PGBD1: variants seen among roughly 807,000 people sequenced by gnomAD.
The protein encoded by PGBD1 is piggyBac transposable element derived 1, also known as piggyBac transposable element-derived protein 1.
PGBD1 carries 25 observed loss-of-function variants against 34.7 expected under a neutral mutation model. The observed-to-expected ratio is 0.72, with a 90% CI of 0.52 to 1.00. The LOEUF (loss-of-function observed/expected upper bound fraction) is 1.00. Among genes scored for constraint, PGBD1 ranks in the 50% least tolerant of loss-of-function variants. The pLI is 0.00. For missense variants in PGBD1, 830 were observed against 959.4 expected, an observed-to-expected ratio of 0.87 and a Z score of 1.78; for synonymous variants, 292 against 335.7, an observed-to-expected ratio of 0.87 and a Z score of 1.42.
intron 4 of PGBD1, among the ~76,000 whole-genome samples, chr6:28,295,391 G>T (rs1762596239): frequency 6.6e-6 from 1 of 152,162 alleles, no homozygotes; most frequent in Non-Finnish European, 1.5e-5. Flanking sequence ...TTTGAAAGAA[G>T]TTCTACTCTG....
intron 3 of PGBD1, among the ~76,000 whole-genome samples, 169 bp downstream of exon 3, chr6:28,285,876 C>T (rs1263879286): frequency 1.3e-5 from 2 of 152,194 alleles, no homozygotes; most frequent in Non-Finnish European, 2.9e-5. Context: ...AAGATCTACT[C>T]TCATGAAATT....
intron 4 of PGBD1, among the ~76,000 whole-genome samples, chr6:28,291,465 A>T (rs1762449007): frequency 6.6e-6 from 1 of 151,928 alleles, no homozygotes; most frequent in African/African-American, 2.4e-5. Context: ...TCTTCCATCA[A>T]AGAAAAGCCC....
chr6:28,293,682 T>A, intron 4 of PGBD1, among the ~76,000 whole-genome samples: 1 of 152,226 alleles, frequency 6.6e-6, no homozygotes, highest in East Asian at 1.9e-4. Flanking sequence ...TGATCAGTTA[T>A]TTTTGATGTT....
At position 28,301,461 on chromosome 6, in the gene PGBD1, A is replaced by C; in HGVS notation, c.1607A>C (p.Tyr536Ser). ...CAAATGAATAAAAATTTCCTCTTGT[A>C]TGCTCCCCTGGAAGAATACTATTGC... ...IKQMNKNFLL[Y>S]APLEEYYCFD... The change falls in exon 7 of 7, where the codon TAT (tyrosine) becomes TCT (serine). Residue 536 changes from tyrosine (Y) to serine (S), a missense_variant. Around this residue, in one of 3 missense-constraint regions of PGBD1, gnomAD observed 372 missense variants for 427.9 expected, o/e 0.87. Coordinates refer to ENST00000682144, the MANE Select transcript of PGBD1 (RefSeq NM_032507.4). 6.2e-7 allele frequency: 1 copy of C among 1,613,978 alleles called. No homozygotes were observed. The highest frequency in any genetic ancestry group is 8.5e-7 in the Non-Finnish European group (1 of 1,180,000).
At chr6:28,299,483 T>C (rs1306516356) in intron 6 of PGBD1, among the ~76,000 whole-genome samples, 6 of 152,178 alleles carry the variant, frequency 3.9e-5, no homozygotes, top group African/African-American at 4.8e-5. Context: ...GGAATGTCAC[T>C]GAAGTTATGG....
chr6:28,298,007 C>T lies in PGBD1; in HGVS notation c.869+16C>T, dbSNP rs1327697176. 5 of 1,518,784 alleles carry T rather than the reference C, an allele frequency of 3.3e-6. No homozygotes were observed. The highest frequency in any genetic ancestry group is 1.4e-5 in the African/African-American group (1 of 72,294). 94.1% of individuals were successfully genotyped at this position (1,518,784 alleles called of 1,614,324 possible). A position where few individuals can be genotyped will look rare whatever the true frequency, so the allele number is the denominator to read the frequency against. ...AGCCCAACAGGTGAGTGTCCATGGT[C>T]CTCAGTGAATCAAATCCTGCAGATA... On this transcript the variant is annotated intron_variant, in intron 6 of 6. Coordinates refer to ENST00000682144, the MANE Select transcript of PGBD1 (RefSeq NM_032507.4).
intron 6 of PGBD1, among the ~76,000 whole-genome samples, chr6:28,298,798 G>A (rs115837789): frequency 0.01 from 1,549 of 152,064 alleles, 14 homozygotes; most frequent in Middle Eastern, 0.02. Context: ...GAGAAGCCTC[G>A]GGAATGCCCA....
In PGBD1 at chr6:28,281,784, C is replaced by G; in HGVS notation, c.-173C>G. 1 of 190,984 alleles carries G rather than the reference C, an allele frequency of 5.2e-6. No individual in the cohort carries two copies. 11.8% of individuals were successfully genotyped at this position (190,984 alleles called of 1,614,324 possible). A position where few individuals can be genotyped will look rare whatever the true frequency, so the allele number is the denominator to read the frequency against. ...AATTAGACACGCCGGTATTCAGTGC[C>G]TGGCGCGGTGCTAGATGCTGGGTGT... On this transcript the variant is annotated 5_prime_UTR_variant, in exon 1 of 7. Coordinates refer to ENST00000682144, the MANE Select transcript of PGBD1 (RefSeq NM_032507.4).
chr6:28,291,430 A>G (rs1762448389), intron 4 of PGBD1, among the ~76,000 whole-genome samples: 2 of 151,960 alleles, frequency 1.3e-5, no homozygotes, highest in Admixed American at 6.6e-5. Context: ...ATAACAAGTA[A>G]CGAGATAGAA....
rs924134752 is a variant in PGBD1 at position 28,281,613 on chromosome 6, A to C, written c.-344A>C. On this transcript the variant is annotated 5_prime_UTR_variant, in exon 1 of 7. Transcript: ENST00000682144. ...TGGAGGCGCCGGCAGCGCCCGCCAG[A>C]CCCGCCAGCCCAGCGGCCCGGGCTC... 5 of 381,250 alleles carry C rather than the reference A, an allele frequency of 1.3e-5. No individual in the cohort carries two copies. Among genetic ancestry groups the C allele is most frequent in the East Asian group, 3.7e-5 (1 of 27,076 alleles). The allele number at this position is 381,250 out of a possible 1,614,324, so 23.6% of individuals were successfully genotyped here.
intron 4 of PGBD1, among the ~76,000 whole-genome samples, chr6:28,294,067 A>G (rs191652144): frequency 2.6e-5 from 4 of 152,362 alleles, no homozygotes; most frequent in Admixed American, 2.6e-4. Context: ...GAAGGAAATG[A>G]AAAGTGCTAC....
rs1172078788 is a variant in PGBD1 at position 28,296,901 on chromosome 6, G to A, written c.728G>A (p.Cys243Tyr). 6.2e-7 allele frequency: 1 copy of A among 1,614,174 alleles called. No homozygotes were observed. Among genetic ancestry groups the A allele is most frequent in the Non-Finnish European group, 8.5e-7 (1 of 1,180,004 alleles). The stretch of plus-strand genomic sequence containing the variant: ...CTGAGTCTGACTCGGAGGAACCTCT[G>A]TGGGAACTCAGCTCAGGAGACAGTT... ...SHLSLTRRNL[C>Y]GNSAQETVMS... Residue 243 changes from cysteine to tyrosine, a missense_variant, in exon 5 of 7, where the codon TGT becomes TAT. By Grantham distance (194) the Cys-to-Tyr change is radical. Transcript: ENST00000682144.
rs567062293 is a variant in PGBD1 at position 28,300,009 on chromosome 6, A to G, written c.870-715A>G. ...GAGCTAGACTCTGTCTCAAAAAAAAAAAAAAACAAAACAAAACTTTTCATC... is the reference window on the plus strand; with the variant it reads ...GAGCTAGACTCTGTCTCAAAAAAAAGAAAAAACAAAACAAAACTTTTCATC... On this transcript the variant is annotated intron_variant, in intron 6 of 6. Coordinates refer to ENST00000682144, the MANE Select transcript of PGBD1 (RefSeq NM_032507.4). This position sits in a 1 kb window ranked among gnomAD's most constrained non-coding sequence, Gnocchi z 4.0. Among the ~76,000 whole-genome samples the G allele has an allele frequency of 2.9e-4, 44 of 152,072 alleles. No individual in the cohort carries two copies. The highest frequency in any genetic ancestry group is 1.1e-3 in the African/African-American group (44 of 41,498).
At chr6:28,293,897 T>G (rs1762546593) in intron 4 of PGBD1, among the ~76,000 whole-genome samples, 1 of 152,194 alleles carries the variant, frequency 6.6e-6, no homozygotes, top group African/African-American at 2.4e-5. Flanking sequence ...GACCTCTATG[T>G]GTTCAAGTGA....
At chr6:28,289,806 A>G (rs1346049048) in intron 4 of PGBD1, among the ~76,000 whole-genome samples, 1 of 152,184 alleles carries the variant, frequency 6.6e-6, no homozygotes, top group African/African-American at 2.4e-5. Flanking sequence ...ATGGCTAGCA[A>G]CCTGTTAAGA....
At position 28,301,421 on chromosome 6, in the gene PGBD1, A is replaced by T; in HGVS notation, c.1567A>T (p.Arg523Ter). The T allele has an allele frequency of 6.2e-7, 1 of 1,614,054 alleles. No homozygotes were observed. The highest frequency in any genetic ancestry group is 8.5e-7 in the Non-Finnish European group (1 of 1,180,026). The change falls in exon 7 of 7, where the codon AGA (arginine) becomes TGA (stop). Residue 523 changes from arginine to a stop codon, truncating the protein, a stop_gained. Transcript: ENST00000682144. LOFTEE classifies it low-confidence loss of function (END_TRUNC). ...LDQKDKFTKL[R>*]PLIKQMNKNF... ...TCAAAAAGATAAGTTTACAAAGTTG[A>T]GACCTCTCATAAAACAAATGAATAA... is the stretch of plus-strand genomic sequence containing the variant.
intron 4 of PGBD1, among the ~76,000 whole-genome samples, chr6:28,290,238 GGTGT>G (rs1415489938): frequency 6.6e-6 from 1 of 152,118 alleles, no homozygotes; most frequent in Non-Finnish European, 1.5e-5. Context: ...TGGGACCACA[GGTGT>G]GTGCCACCAT....
chr6:28,296,626 A>C (rs1465079592), intron 4 of PGBD1, among the ~76,000 whole-genome samples, 190 bp from the exon 5 acceptor site: 1 of 152,074 alleles, frequency 6.6e-6, no homozygotes, highest in African/African-American at 2.4e-5. Flanking sequence ...CTCTGGCCTC[A>C]CCCTCTGAAT....
At position 28,300,542 on chromosome 6, in the gene PGBD1, G is replaced by A. The variant is rs1762793641; in HGVS notation, c.870-182G>A. On this transcript the variant is annotated intron_variant, in intron 6 of 6. Coordinates refer to ENST00000682144, the MANE Select transcript of PGBD1 (RefSeq NM_032507.4). The surrounding 1 kb of genome is among the most constrained non-coding windows in gnomAD (Gnocchi z 4.0). ...TTCCATCCTGAGGAGTGAGTGAGAGGTGGAGAGTGGCTAGAAATGTTTAAT... is the reference window on the plus strand; with the variant it reads ...TTCCATCCTGAGGAGTGAGTGAGAGATGGAGAGTGGCTAGAAATGTTTAAT... 1.3e-5 allele frequency among the ~76,000 whole-genome samples: 2 copies of A among 152,182 alleles called. No homozygotes were observed. Among genetic ancestry groups the A allele is most frequent in the South Asian group, 2.1e-4 (1 of 4,836 alleles).
Sources: gnomAD v4.1 joint callset for allele counts (sites outside exome capture counted in the v4.1 genomes callset) on GRCh38, gnomAD v4.1.1 for gene constraint, gnomAD v4.1.1 regional missense constraint, Gnocchi (gnomAD v3.1) non-coding constraint, MANE v1.5 for transcripts, NCBI Gene and HGNC (gene_info 2026-07-23, HGNC 2026-07-21) for gene names.